The following GSAP variants were observed in gnomAD, a reference collection of about 807,000 sequenced individuals.
GSAP encodes gamma-secretase activating protein.
Under a neutral mutation model 131.7 loss-of-function variants are expected in GSAP, and 118 were observed. The ratio of observed to expected loss-of-function variants is 0.90; its 90% CI spans 0.77 to 1.04. The LOEUF (loss-of-function observed/expected upper bound fraction) is 1.04. Among genes scored for constraint, GSAP ranks in the 50% least tolerant of loss-of-function variants. The pLI, the probability that GSAP is intolerant of heterozygous loss-of-function variation, is 0.00. For synonymous variants in GSAP, 381 were observed against 363.4 expected (o/e 1.05, Z -0.55); for missense variants, 1,019 against 1,013.2 (o/e 1.01, Z -0.08).
At chr7:77,371,117 T>C (rs139488913) in intron 12 of GSAP, among the ~76,000 whole-genome samples, 18 of 152,322 alleles carry the variant, frequency 1.2e-4, no homozygotes, top group African/African-American at 4.1e-4. Flanking sequence ...ACCCCTCTTC[T>C]AAGCTCCAGA....
chr7:77,328,377 G>A, intron 22 of GSAP: 1 of 1,279,958 alleles, frequency 7.8e-7, no homozygotes, highest in Non-Finnish European at 9.9e-7. Flanking sequence ...CCATCACCCA[G>A]GGACTCCCAT....
intron 12 of GSAP, among the ~76,000 whole-genome samples, chr7:77,364,933 C>T (rs78087461): frequency 0.28 from 43,197 of 152,044 alleles, 6,697 homozygotes; most frequent in African/African-American, 0.41. Flanking sequence ...CATGTAGTCA[C>T]TGAACACTCA....
chr7:77,388,988 C>G (rs1461174717), intron 5 of GSAP, among the ~76,000 whole-genome samples: 1 of 152,026 alleles, frequency 6.6e-6, no homozygotes, highest in Non-Finnish European at 1.5e-5. Context: ...GATCTTACAA[C>G]CAAGGGTATG....
At chr7:77,395,808 C>T (rs1158114322) in intron 5 of GSAP, among the ~76,000 whole-genome samples, 1 of 152,144 alleles carries the variant, frequency 6.6e-6, no homozygotes, top group African/African-American at 2.4e-5. Context: ...CAGGAAAATA[C>T]ATCTGAGTGG....
chr7:77,345,483 T>C (rs1006031005), intron 19 of GSAP, among the ~76,000 whole-genome samples: 1 of 152,216 alleles, frequency 6.6e-6, no homozygotes, highest in Non-Finnish European at 1.5e-5. Context: ...TAAGCCATCA[T>C]ATCCCCTGTG....
chr7:77,369,582 C>A (rs1013194939), intron 12 of GSAP, among the ~76,000 whole-genome samples: 3 of 152,196 alleles, frequency 2.0e-5, no homozygotes, highest in Admixed American at 2.0e-4. Flanking sequence ...ATTATATCAT[C>A]ATCATTAATG....
In GSAP at chr7:77,374,095, A is replaced by C; in HGVS notation, c.846T>G (p.Thr282=). 6.3e-7 allele frequency: 1 copy of C among 1,583,614 alleles called. No homozygotes were observed. The highest frequency in any genetic ancestry group is 1.1e-5 in the South Asian group (1 of 89,584). Residue 282 remains threonine, a synonymous_variant, in exon 12 of 31, where the codon ACT becomes ACG. Transcript: ENST00000257626. ...CTGTATGGTTGGTAAAAACACACAG[A>C]GTCAGGTGTTTGGAAAATTTATCTC... The part of the protein sequence containing the change: ...QYRDKFSKHL[T]LCVFTNHTGS...
intron 10 of GSAP, among the ~76,000 whole-genome samples, chr7:77,376,364 T>A (rs1796857930): frequency 6.6e-6 from 1 of 152,228 alleles, no homozygotes; most frequent in Admixed American, 6.5e-5. Flanking sequence ...TTAACTGGAT[T>A]TGTTATAGAG....
intron 12 of GSAP, among the ~76,000 whole-genome samples, chr7:77,364,071 TAATA>T (rs1408634951): frequency 3.9e-5 from 6 of 152,262 alleles, no homozygotes; most frequent in East Asian, 1.9e-4. Flanking sequence ...GATTCTCTAG[TAATA>T]AATAAAAATT....
rs377123241 is a variant in GSAP, at chr7:77,406,026, T to C, written c.186+3A>G. ...ACCACAATAAAAAAGAATATAGACA[T>C]ACCTTATAGGTATAAATAATATTTC... On this transcript the variant is annotated splice_donor_region_variant and intron_variant, in intron 2 of 30. Coordinates refer to ENST00000257626, the MANE Select transcript of GSAP (RefSeq NM_017439.4). The C allele has an allele frequency of 2.2e-5, 21 of 933,986 alleles. No individual in the cohort carries two copies. Among genetic ancestry groups the C allele is most frequent in the Non-Finnish European group, 3.1e-5 (21 of 669,120 alleles). The allele number at this position is 933,986 out of a possible 1,614,324, so 57.9% of individuals were successfully genotyped here.
intron 12 of GSAP, among the ~76,000 whole-genome samples, chr7:77,365,841 T>G (rs1326646394): frequency 2.0e-5 from 3 of 151,078 alleles, no homozygotes; most frequent in African/African-American, 7.3e-5. Context: ...TAACTTACAC[T>G]CTCATCAACA....
chr7:77,364,751 A>G (rs569628118), intron 12 of GSAP, among the ~76,000 whole-genome samples: 14 of 152,278 alleles, frequency 9.2e-5, no homozygotes, highest in Non-Finnish European at 1.9e-4. Flanking sequence ...ATAAGCAAAT[A>G]TTTCCAAATT....
chr7:77,313,896 CT>C (rs1407076606), intron 27 of GSAP, among the ~76,000 whole-genome samples: 2 of 152,192 alleles, frequency 1.3e-5, no homozygotes, highest in African/African-American at 4.8e-5. Flanking sequence ...TTAATTGCCC[CT>C]CTCAATAATT....
At chr7:77,396,507 T>C (rs2151128370) in intron 5 of GSAP, among the ~76,000 whole-genome samples, 1 of 152,222 alleles carries the variant, frequency 6.6e-6, no homozygotes, top group East Asian at 1.9e-4. Flanking sequence ...CTTACAGCAG[T>C]TTTTAAAAGG....
At chr7:77,360,422 T>C (rs1265666828) in intron 14 of GSAP, among the ~76,000 whole-genome samples, 2 of 152,150 alleles carry the variant, frequency 1.3e-5, no homozygotes, top group South Asian at 2.1e-4. Context: ...CAACAGGAAA[T>C]AGACAATTTC....
chr7:77,374,013 A>AT (rs1266732971), intron 12 of GSAP, 57 bp downstream of exon 12: 96 of 952,596 alleles, frequency 1.0e-4, no homozygotes, highest in Admixed American at 8.8e-4. Context: ...CAATGAGTAA[A>AT]TTTTGTCTAG....
chr7:77,380,231 A>G (rs10237652), intron 8 of GSAP, among the ~76,000 whole-genome samples: 25,969 of 152,136 alleles, frequency 0.17, 3,452 homozygotes, highest in East Asian at 0.45. Flanking sequence ...CCAATTGGAA[A>G]TTTTTTAAAA....
chr7:77,377,430 T>C, intron 8 of GSAP, 40 bp from the exon 9 acceptor site: 2 of 1,381,256 alleles, frequency 1.4e-6, no homozygotes, highest in Non-Finnish European at 9.5e-7. Flanking sequence ...AAAGTATGAA[T>C]AACTTTTAAA....
At chr7:77,354,632 T>A (rs1793379322) in intron 16 of GSAP, among the ~76,000 whole-genome samples, 1 of 151,992 alleles carries the variant, frequency 6.6e-6, no homozygotes, top group South Asian at 2.1e-4. Flanking sequence ...CATGGGTGAA[T>A]AATGTACATT....
Sources: allele counts gnomAD v4.1 joint callset (sites outside exome capture counted in the v4.1 genomes callset), GRCh38; gene constraint gnomAD v4.1.1; transcripts MANE v1.5; gene names NCBI Gene and HGNC (gene_info 2026-07-23, HGNC 2026-07-21).